The following EGLN3 variants were observed in gnomAD, a reference collection of about 807,000 sequenced individuals.
EGLN3 encodes the protein egl-9 family hypoxia inducible factor 3.
EGLN3 carries 15 observed loss-of-function variants against 26.0 expected under a neutral mutation model. The ratio of observed to expected loss-of-function variants is 0.58; its 90% CI spans 0.39 to 0.89. EGLN3 has a LOEUF of 0.89. Ranked by LOEUF, EGLN3 falls within the 40% of genes least tolerant of loss-of-function variation. The pLI is 0.00. For missense variants in EGLN3, 238 were observed against 311.6 expected, an observed-to-expected ratio of 0.76 and a Z score of 1.78; for synonymous variants, 147 against 127.2, an observed-to-expected ratio of 1.16 and a Z score of -1.05.
rs372768426 is a variant in EGLN3 at position 33,929,084 on chromosome 14, G to A, written c.606C>T (p.Tyr202=). The A allele has an allele frequency of 2.0e-5, 32 of 1,613,758 alleles. No individual in the cohort carries two copies. Among genetic ancestry groups the A allele is most frequent in the South Asian group, 1.4e-4 (13 of 91,016 alleles). ...ATGGCTCCGGCTATTACCTGGTTGC[G>A]TAAGAGGGCTGCACTTCGTGTGGGT... ...RRNPHEVQPS[Y]ATRYAMTVWY... is the part of the protein sequence containing the mutation. Residue 202 remains tyrosine (Y), a synonymous_variant, in exon 3 of 5, where the codon TAC becomes TAT. Transcript: ENST00000250457.
chr14:33,931,074 T>A lies in EGLN3; in HGVS notation c.477+22A>T, dbSNP rs777187399. 4.3e-6 allele frequency: 7 copies of A among 1,613,914 alleles called. No individual in the cohort carries two copies. The Admixed American group carries it at 1.2e-4, about 27-fold the overall frequency. On this transcript the variant is annotated intron_variant, in intron 2 of 4. Transcript: ENST00000250457. ...TCCTGTAGTTTCTAACCCCACACTC[T>A]ACTCCCATTATTCAAAAGTACCTTG...
In EGLN3 at chr14:33,950,967, C is replaced by A; in HGVS notation, c.-215G>T. The A allele has an allele frequency of 1.7e-6, 1 of 585,240 alleles. No homozygotes were observed. Among genetic ancestry groups the A allele is most frequent in the Non-Finnish European group, 3.0e-6 (1 of 330,896 alleles). The allele number at this position is 585,240 out of a possible 1,614,324, so 36.3% of individuals were successfully genotyped here. A position where few individuals can be genotyped will look rare whatever the true frequency, so the allele number is the denominator to read the frequency against. On this transcript the variant is annotated 5_prime_UTR_variant, in exon 1 of 5. Transcript: ENST00000250457. ...CCTTCGGGAACCAGCGGGAGTGGTG[C>A]GGAGCTCCACGACCCGTTTCCGGAC...
At chr14:33,943,840 A>G (rs1376303703) in intron 1 of EGLN3, among the ~76,000 whole-genome samples, 1 of 152,158 alleles carries the variant, frequency 6.6e-6, no homozygotes, top group Non-Finnish European at 1.5e-5. Context: ...TTACTTATGA[A>G]ATTACAAGTT....
At chr14:33,947,217 G>A (rs960006491) in intron 1 of EGLN3, among the ~76,000 whole-genome samples, 7 of 152,248 alleles carry the variant, frequency 4.6e-5, no homozygotes, top group Middle Eastern at 3.4e-3. Flanking sequence ...TCTTGGATAT[G>A]GTCTAAAATC....
intron 1 of EGLN3, among the ~76,000 whole-genome samples, chr14:33,947,278 G>A (rs919880232): frequency 9.9e-5 from 15 of 152,162 alleles, no homozygotes; most frequent in African/African-American, 3.4e-4. Flanking sequence ...TGAAAGCAAT[G>A]ATCATGCTTG....
intron 1 of EGLN3, 50 bp downstream of exon 1, chr14:33,950,346 C>T (rs765157355): frequency 6.4e-7 from 1 of 1,558,662 alleles, no homozygotes; most frequent in South Asian, 1.1e-5. Flanking sequence ...ACTCCGAGTG[C>T]CTCCCGTCCC....
chr14:33,946,232 C>T (rs1623203), intron 1 of EGLN3, among the ~76,000 whole-genome samples: 38,251 of 151,570 alleles, frequency 0.25, 5,463 homozygotes, highest in Non-Finnish European at 0.34. Context: ...CAAAATTAGC[C>T]GGGCATGGTG....
At chr14:33,936,100 G>T (rs570530265) in intron 1 of EGLN3, among the ~76,000 whole-genome samples, 13 of 152,038 alleles carry the variant, frequency 8.6e-5, no homozygotes, top group Non-Finnish European at 1.8e-4. Context: ...GCATGGTGGC[G>T]CACGCCTGTA....
At chr14:33,931,288 A>T in intron 1 of EGLN3, 73 bp from the exon 2 acceptor site, 1 of 1,604,116 alleles carries the variant, frequency 6.2e-7, no homozygotes, top group Non-Finnish European at 8.5e-7. Context: ...TGGTGAGCAG[A>T]TAAGTAACAC....
At chr14:33,943,389 G>C (rs2064496716) in intron 1 of EGLN3, among the ~76,000 whole-genome samples, 1 of 152,172 alleles carries the variant, frequency 6.6e-6, no homozygotes, top group Non-Finnish European at 1.5e-5. Flanking sequence ...TATCATTACT[G>C]TCAGAACATG....
At chr14:33,946,776 T>G (rs1008426284) in intron 1 of EGLN3, among the ~76,000 whole-genome samples, 1 of 152,210 alleles carries the variant, frequency 6.6e-6, no homozygotes, top group African/African-American at 2.4e-5. Context: ...ATCATCTTAT[T>G]TAATGCTTCT....
chr14:33,946,350 T>G (rs1363488297), intron 1 of EGLN3, among the ~76,000 whole-genome samples: 1 of 151,904 alleles, frequency 6.6e-6, no homozygotes, highest in Non-Finnish European at 1.5e-5. Context: ...AACTCCAACC[T>G]GCGCAACAGG....
At chr14:33,930,645 C>G (rs1013764899) in intron 2 of EGLN3, among the ~76,000 whole-genome samples, 1 of 152,126 alleles carries the variant, frequency 6.6e-6, no homozygotes, top group African/African-American at 2.4e-5. Context: ...ATGAGACATA[C>G]CACCCCGAGG....
intron 1 of EGLN3, among the ~76,000 whole-genome samples, chr14:33,938,659 C>G (rs2064459122): frequency 6.6e-6 from 1 of 152,254 alleles, no homozygotes; most frequent in East Asian, 1.9e-4. Context: ...AAAGGTCAGT[C>G]CAGCCCAGGG....
At chr14:33,940,171 G>C (rs190289458) in intron 1 of EGLN3, among the ~76,000 whole-genome samples, 1 of 152,264 alleles carries the variant, frequency 6.6e-6, no homozygotes, top group African/African-American at 2.4e-5. Context: ...TCCCAGTGCA[G>C]GTCAACCTCA....
intron 1 of EGLN3, among the ~76,000 whole-genome samples, chr14:33,935,586 TAC>T (rs34931469): frequency 0.21 from 31,343 of 146,576 alleles, 3,412 homozygotes; most frequent in East Asian, 0.26. Flanking sequence ...TATAAATAAA[TAC>T]ACACACACAC....
Position 33,950,998 on chromosome 14 carries a change from C to T in EGLN3, c.-246G>A, listed in dbSNP as rs923287319. The T allele has an allele frequency of 2.3e-5, 12 of 532,020 alleles. No homozygotes were observed. Among genetic ancestry groups the T allele is most frequent in the African/African-American group, 5.7e-5 (3 of 52,398 alleles). The allele number at this position is 532,020 out of a possible 1,614,324, so 33.0% of individuals were successfully genotyped here. A position where few individuals can be genotyped will look rare whatever the true frequency, so the allele number is the denominator to read the frequency against. ...TCCACGACCCGTTTCCGGACTGGCCCGGCGAGCAGTGCGGCGCAAGGAGTC... is the reference window on the plus strand; with the variant it reads ...TCCACGACCCGTTTCCGGACTGGCCTGGCGAGCAGTGCGGCGCAAGGAGTC... On this transcript the variant is annotated 5_prime_UTR_variant, in exon 1 of 5. Coordinates refer to ENST00000250457, the MANE Select transcript of EGLN3 (RefSeq NM_022073.4).
At chr14:33,926,730 C>A (rs1415940555) in intron 4 of EGLN3, among the ~76,000 whole-genome samples, 2 of 152,170 alleles carry the variant, frequency 1.3e-5, no homozygotes, top group Non-Finnish European at 2.9e-5. Context: ...TCCCATCTAT[C>A]ATAAACCATC....
At position 33,950,034 on chromosome 14, in the gene EGLN3, CGT is replaced by C. The variant is rs1415732460; in HGVS notation, c.357+360_357+361del. Reference sequence around the variant, plus strand: ...GTAGGCATTTAAGATCATGAGGACACGTGTGTCTCAGATGATACACAGTGTTT... The same window carrying C: ...GTAGGCATTTAAGATCATGAGGACACGTGTCTCAGATGATACACAGTGTTT... On this transcript the variant is annotated intron_variant, in intron 1 of 4. Transcript: ENST00000250457. The C allele has an allele frequency of 9.3e-6, 5 of 535,104 alleles. No individual in the cohort carries two copies. In the African/African-American group the frequency reaches 9.5e-5, roughly 10 times the overall value. The allele number at this position is 535,104 out of a possible 1,614,324, so 33.1% of individuals were successfully genotyped here. A position where few individuals can be genotyped will look rare whatever the true frequency, so the allele number is the denominator to read the frequency against.
Sources: gnomAD v4.1 joint callset for allele counts (sites outside exome capture counted in the v4.1 genomes callset) on GRCh38, gnomAD v4.1.1 for gene constraint, MANE v1.5 for transcripts, NCBI Gene and HGNC (gene_info 2026-07-23, HGNC 2026-07-21) for gene names.